FRMD4B: variants seen among roughly 807,000 people sequenced by gnomAD.
FRMD4B encodes FERM domain-containing protein 4B.
In FRMD4B, 74 loss-of-function variants were observed where a neutral mutation model predicts 141.5. That is an observed-to-expected ratio of 0.52 (90% CI 0.43 to 0.63). The LOEUF is 0.63. FRMD4B is among the 30% of genes least tolerant of loss of function. FRMD4B has a pLI of 0.00. For synonymous variants in FRMD4B, 506 were observed against 467.9 expected (o/e 1.08, Z -1.05); for missense variants, 1,366 against 1,253.4 (o/e 1.09, Z -1.36).
At chr3:69,281,033 C>T (rs980231868) in intron 5 of FRMD4B, among the ~76,000 whole-genome samples, 1 of 152,058 alleles carries the variant, frequency 6.6e-6, no homozygotes, top group Non-Finnish European at 1.5e-5. Context: ...TGAGTTCAAG[C>T]GATTCTCCTG....
chr3:69,506,618 C>G (rs1026774563), intron 1 of FRMD4B, among the ~76,000 whole-genome samples: 1 of 152,006 alleles, frequency 6.6e-6, no homozygotes, highest in Non-Finnish European at 1.5e-5. Flanking sequence ...TCACTGCAGC[C>G]TCGACCTCCC....
In FRMD4B at chr3:69,419,299, C is replaced by T. The variant is rs56352689; in HGVS notation, c.-1+13335G>A. Among the ~76,000 whole-genome samples the T allele has an allele frequency of 8.2e-3, 1,251 of 152,250 alleles. 19 individuals are homozygous for T. The highest frequency in any genetic ancestry group is 0.028 in the African/African-American group (1,179 of 41,522). Reference sequence around the variant, plus strand: ...GGCTCACATACCTGATCAGCCCAGACGTATCTGGCTTCAGGCACCAATGCC... The same window carrying T: ...GGCTCACATACCTGATCAGCCCAGATGTATCTGGCTTCAGGCACCAATGCC... On this transcript the variant is annotated intron_variant, in intron 2 of 5. Coordinates refer to the FRMD4B transcript ENST00000459638.
chr3:69,279,978 C>T (rs1289694974), intron 5 of FRMD4B, among the ~76,000 whole-genome samples: 1 of 152,044 alleles, frequency 6.6e-6, no homozygotes, highest in Non-Finnish European at 1.5e-5. Flanking sequence ...TTTGCCAAGC[C>T]TGTCTTCAGA....
chr3:69,172,007 CT>C lies in FRMD4B; in HGVS notation c.2985-27del, dbSNP rs746404136. On this transcript the variant is annotated intron_variant, in intron 22 of 22. Coordinates refer to ENST00000398540, the MANE Select transcript of FRMD4B (RefSeq NM_015123.3). ...CTATTAAAGAAAACCAGAAAAGTTA[CT>C]ACTTGTGGCCATATTTTTGTCCCCA... The C allele has an allele frequency of 5.0e-6, 8 of 1,610,386 alleles. No individual in the cohort carries two copies. In the South Asian group the frequency reaches 8.8e-5, roughly 18 times the overall value.
intron 1 of FRMD4B, among the ~76,000 whole-genome samples, chr3:69,475,511 C>T (rs1048433123): frequency 5.9e-5 from 9 of 152,096 alleles, no homozygotes; most frequent in African/African-American, 2.2e-4. Flanking sequence ...CCAATTTCAT[C>T]CATGTCCCTA....
At chr3:69,258,734 A>G (rs7623989) in intron 5 of FRMD4B, among the ~76,000 whole-genome samples, 42,063 of 152,048 alleles carry the variant, frequency 0.28, 6,093 homozygotes, top group East Asian at 0.49. Flanking sequence ...GGTACAAATT[A>G]TGTCCTTCAA....
At chr3:69,502,871 A>G (rs959993510) in intron 1 of FRMD4B, among the ~76,000 whole-genome samples, 2 of 152,206 alleles carry the variant, frequency 1.3e-5, no homozygotes, top group South Asian at 2.1e-4. Context: ...AAAAGTGGGC[A>G]AAGGATATGA....
At chr3:69,247,543 G>C (rs956044859) in intron 7 of FRMD4B, among the ~76,000 whole-genome samples, 2 of 152,340 alleles carry the variant, frequency 1.3e-5, no homozygotes, top group African/African-American at 4.8e-5. Flanking sequence ...CTGGAGTGCA[G>C]TGGCGCGATC....
chr3:69,311,818 TTAATAATAA>T (rs764022716), intron 2 of FRMD4B, among the ~76,000 whole-genome samples: 1 of 151,768 alleles, frequency 6.6e-6, no homozygotes, highest in African/African-American at 2.4e-5. Flanking sequence ...GATGAAAATA[TTAATAATAA>T]TAATAATAAT....
chr3:69,466,169 G>T lies in FRMD4B; in HGVS notation c.-128-33408C>A, dbSNP rs181910518. ...ATGATGAGCATTCTTTCATGTGTCT[G>T]TTGGCTACATAAACGTCTTCTTTTG... is the stretch of plus-strand genomic sequence containing the variant. On this transcript the variant is annotated intron_variant, in intron 1 of 5. Transcript: ENST00000459638. 2.6e-4 allele frequency among the ~76,000 whole-genome samples: 39 copies of T among 152,068 alleles called. No individual in the cohort carries two copies. In the East Asian group the frequency reaches 6.6e-3, roughly 26 times the overall value.
chr3:69,376,418 A>T (rs538849665), intron 1 of FRMD4B, among the ~76,000 whole-genome samples: 12 of 152,210 alleles, frequency 7.9e-5, no homozygotes, highest in African/African-American at 2.6e-4. Context: ...AAGGCCTAGC[A>T]TATAGAAAGG....
chr3:69,260,301 G>C (rs573073562), intron 5 of FRMD4B, among the ~76,000 whole-genome samples: 1 of 152,238 alleles, frequency 6.6e-6, no homozygotes, highest in Admixed American at 6.5e-5. Flanking sequence ...GCTGTGCACC[G>C]TGTTCGCGAG....
intron 10 of FRMD4B, 31 bp from the exon 11 acceptor site, chr3:69,216,380 C>A: frequency 9.2e-7 from 1 of 1,089,590 alleles, no homozygotes; most frequent in Non-Finnish European, 1.4e-6. Flanking sequence ...AGAACCAAGA[C>A]CTAGCTGTTA....
At chr3:69,313,198 C>T (rs4855306) in intron 2 of FRMD4B, among the ~76,000 whole-genome samples, 148,541 of 152,276 alleles carry the variant, frequency 0.98, 72,535 homozygotes, top group East Asian at 1. Context: ...CAAGCTGAGA[C>T]TGGAACTCAA....
chr3:69,504,479 C>A (rs1706562082), intron 1 of FRMD4B, among the ~76,000 whole-genome samples: 1 of 152,142 alleles, frequency 6.6e-6, no homozygotes, highest in African/African-American at 2.4e-5. Flanking sequence ...CCCCAAACCA[C>A]CCCTCCCAGA....
intron 2 of FRMD4B, among the ~76,000 whole-genome samples, chr3:69,410,795 G>A (rs1704748385): frequency 7.0e-6 from 1 of 143,104 alleles, no homozygotes; most frequent in Non-Finnish European, 1.5e-5. Flanking sequence ...GTCTTGCTCT[G>A]TTGCCCAGGC....
At chr3:69,507,049 C>G (rs183584912) in intron 1 of FRMD4B, among the ~76,000 whole-genome samples, 19 of 152,172 alleles carry the variant, frequency 1.2e-4, no homozygotes, top group Admixed American at 3.9e-4. Context: ...CATAGAGATT[C>G]TAATATAGGG....
At chr3:69,217,311 A>T (rs1477129486) in intron 10 of FRMD4B, among the ~76,000 whole-genome samples, 1 of 152,162 alleles carries the variant, frequency 6.6e-6, no homozygotes, top group Non-Finnish European at 1.5e-5. Flanking sequence ...TGCACACCAG[A>T]GTCAGTAGAA....
chr3:69,264,264 C>T (rs2093546819), intron 5 of FRMD4B, among the ~76,000 whole-genome samples: 1 of 152,088 alleles, frequency 6.6e-6, no homozygotes, highest in Non-Finnish European at 1.5e-5. Flanking sequence ...GTCACCCCTG[C>T]CTAGTAGGTA....
Sources: gnomAD v4.1 joint callset for allele counts (sites outside exome capture counted in the v4.1 genomes callset) on GRCh38, gnomAD v4.1.1 for gene constraint, MANE v1.5 for transcripts, NCBI Gene and HGNC (gene_info 2026-07-23, HGNC 2026-07-21) for gene names.